TMEM209: variants seen among roughly 807,000 people sequenced by gnomAD.
TMEM209 encodes the protein testicular tissue protein Li 202.
TMEM209 carries 65 observed loss-of-function variants against 76.2 expected under a neutral mutation model. The ratio of observed to expected loss-of-function variants is 0.85; its 90% confidence interval spans 0.70 to 1.05. TMEM209 has a LOEUF of 1.05. Ranked by LOEUF, TMEM209 falls within the 50% of genes least tolerant of loss-of-function variation. The pLI is 0.00. For synonymous variants in TMEM209, 239 were observed against 237.6 expected (o/e 1.01, Z -0.06); for missense variants, 623 against 685.5 (o/e 0.91, Z 1.02).
intron 6 of TMEM209, among the ~76,000 whole-genome samples, chr7:130,192,014 C>T (rs1275797522): frequency 1.3e-5 from 2 of 152,124 alleles, no homozygotes; most frequent in African/African-American, 4.8e-5. Context: ...TGAGTATTAG[C>T]GCCTAATATG....
intron 10 of TMEM209, 147 bp from the exon 11 acceptor site, chr7:130,175,756 G>GA (rs1339765800): frequency 1.6e-6 from 1 of 632,962 alleles, no homozygotes; most frequent in African/African-American, 1.9e-5. Context: ...GATATAAAAA[G>GA]ACAAAAGTTA....
intron 10 of TMEM209, among the ~76,000 whole-genome samples, chr7:130,175,822 GACTACTA>G (rs1484928329): frequency 2.0e-5 from 3 of 152,090 alleles, no homozygotes; most frequent in African/African-American, 7.2e-5. Context: ...AGATTTATCT[GACTACTA>G]TTTTGGCTTC....
At chr7:130,169,925 T>G (rs1797011587) in intron 14 of TMEM209, among the ~76,000 whole-genome samples, 1 of 152,176 alleles carries the variant, frequency 6.6e-6, no homozygotes, top group South Asian at 2.1e-4. Context: ...TTTGAATTTC[T>G]TGCAGTATGT....
chr7:130,170,506 C>T, intron 13 of TMEM209, 33 bp from the exon 14 acceptor site: 8 of 1,565,576 alleles, frequency 5.1e-6, no homozygotes, highest in Non-Finnish European at 7.0e-6. Context: ...AAGATTTAAA[C>T]CAAATGAAAA....
At chr7:130,190,574 TA>T (rs5887464) in intron 6 of TMEM209, among the ~76,000 whole-genome samples, 1,981 of 131,326 alleles carry the variant, frequency 0.015, 38 homozygotes, top group African/African-American at 0.044. Context: ...TGTATTACAG[TA>T]AAAAAAAAAA....
chr7:130,204,952 T>C (rs1798384470), intron 1 of TMEM209: 1 of 1,080,400 alleles, frequency 9.3e-7, no homozygotes, highest in Non-Finnish European at 1.1e-6. Flanking sequence ...ATCCAAGTTT[T>C]AGAAGGGCAC....
chr7:130,169,548 A>G (rs957106536), intron 14 of TMEM209, among the ~76,000 whole-genome samples: 1 of 152,154 alleles, frequency 6.6e-6, no homozygotes, highest in African/African-American at 2.4e-5. Flanking sequence ...ACTTTAGCGC[A>G]CCTCAATTTG....
Position 130,202,027 on chromosome 7 carries a change from A to G in TMEM209, c.396T>C (p.Pro132=). ...ATQIPPAPPS[P]SIQGQSVLSY... ...TCAACACACTCTGACCCTGAATTGAAGGGGAAGGTGGAGCGGGAGGGATTT... is the reference window on the plus strand; with the variant it reads ...TCAACACACTCTGACCCTGAATTGAGGGGGAAGGTGGAGCGGGAGGGATTT... The change falls in exon 5 of 15, where the codon CCT becomes CCC. Residue 132 remains proline (P), a synonymous_variant. Transcript: ENST00000397622. 1 of 1,613,848 alleles carries G rather than the reference A, an allele frequency of 6.2e-7. No individual in the cohort carries two copies. The highest frequency in any genetic ancestry group is 1.7e-5 in the Admixed American group (1 of 60,014).
Position 130,202,395 on chromosome 7 carries a change from A to G in TMEM209, c.331+137T>C, listed in dbSNP as rs1798242704. The stretch of plus-strand genomic sequence containing the variant: ...CAAGTAGGAATGATAATCATTGGTC[A>G]TAAGACAATTTATTGTATCCTGCTT... On this transcript the variant is annotated intron_variant, in intron 4 of 14. Coordinates refer to ENST00000397622, the MANE Select transcript of TMEM209 (RefSeq NM_032842.4). 1.0e-5 allele frequency: 13 copies of G among 1,245,180 alleles called. No homozygotes were observed. The Admixed American group carries it at 1.9e-4, about 18-fold the overall frequency. 77.1% of individuals were successfully genotyped at this position (1,245,180 alleles called of 1,614,324 possible). A position where few individuals can be genotyped will look rare whatever the true frequency, so the allele number is the denominator to read the frequency against.
At position 130,204,127 on chromosome 7, in the gene TMEM209, AGC is replaced by A. The variant is rs757072190; in HGVS notation, c.4-19_4-18del. The A allele has an allele frequency of 1.0e-5, 16 of 1,596,178 alleles. No homozygotes were observed. The South Asian group carries it at 1.6e-4, about 16-fold the overall frequency. ...CCCCTGCATCTATGAAAAAACAAAA[AGC>A]ACAGGAATTAACCAGAAGAAACTAT... On this transcript the variant is annotated intron_variant, in intron 1 of 14. Transcript: ENST00000397622.
Position 130,185,297 on chromosome 7 carries a change from A to G in TMEM209, c.846T>C (p.Tyr282=), listed in dbSNP as rs778387839. ...ACTGAAACTTCTTTAAAGTTTGTGC[A>G]TAATCCCCCATAGAACGACTATAGT... ...FWNYSRSMGD[Y]AQTLKKFQYQ... The change falls in exon 7 of 15, where the codon TAT becomes TAC. Residue 282 remains tyrosine (Y), a synonymous_variant. Coordinates refer to ENST00000397622, the MANE Select transcript of TMEM209 (RefSeq NM_032842.4). 6.2e-7 allele frequency: 1 copy of G among 1,613,902 alleles called. No homozygotes were observed. The highest frequency in any genetic ancestry group is 8.5e-7 in the Non-Finnish European group (1 of 1,179,888).
chr7:130,202,919 T>C (rs901110300), intron 3 of TMEM209, among the ~76,000 whole-genome samples: 1 of 151,708 alleles, frequency 6.6e-6, no homozygotes. Context: ...TGAAACCCCA[T>C]CTCTACTAAA....
intron 11 of TMEM209, 176 bp downstream of exon 11, chr7:130,175,336 G>A (rs984283903): frequency 3.7e-6 from 2 of 542,676 alleles, no homozygotes; most frequent in African/African-American, 2.0e-5. Context: ...GGTGGTTCAG[G>A]CCTAGTCCCA....
chr7:130,166,595 G>A, intron 14 of TMEM209, 90 bp from the exon 15 acceptor site: 1 of 725,978 alleles, frequency 1.4e-6, no homozygotes, highest in Non-Finnish European at 2.2e-6. Context: ...AATAATACAT[G>A]TTTAACTGAT....
At chr7:130,204,218 T>C (rs1175416875) in intron 1 of TMEM209, 108 bp from the exon 2 acceptor site, 1 of 1,203,320 alleles carries the variant, frequency 8.3e-7, no homozygotes, top group African/African-American at 1.5e-5. Context: ...ATATACCTTC[T>C]CTCATCTTTA....
chr7:130,185,736 T>C (rs1283964580), intron 6 of TMEM209, among the ~76,000 whole-genome samples: 4 of 152,128 alleles, frequency 2.6e-5, no homozygotes, highest in East Asian at 1.9e-4. Context: ...TTATTTGAAA[T>C]TTCTAGAAGC....
At chr7:130,201,692 T>C (rs1160393398) in intron 5 of TMEM209, 158 bp downstream of exon 5, 11 of 876,870 alleles carry the variant, frequency 1.3e-5, no homozygotes, top group Non-Finnish European at 5.1e-6. Flanking sequence ...TAAGATGTTG[T>C]GTTTAAGATA....
intron 5 of TMEM209, among the ~76,000 whole-genome samples, chr7:130,196,594 G>A (rs927618061): frequency 6.6e-6 from 1 of 152,126 alleles, no homozygotes; most frequent in Non-Finnish European, 1.5e-5. Context: ...AAGTAAAGGG[G>A]TAATTAACCT....
chr7:130,204,170 C>G, intron 1 of TMEM209, 60 bp from the exon 2 acceptor site: 1 of 1,522,900 alleles, frequency 6.6e-7, no homozygotes, highest in Non-Finnish European at 8.8e-7. Flanking sequence ...CATTTAAAAA[C>G]CAAATTTTGC....
Sources: gnomAD v4.1 joint callset for allele counts (sites outside exome capture counted in the v4.1 genomes callset) on GRCh38, gnomAD v4.1.1 for gene constraint, MANE v1.5 for transcripts, NCBI Gene and HGNC (gene_info 2026-07-23, HGNC 2026-07-21) for gene names.